Variants in COL23A1 observed in about 807,000 individuals in gnomAD.
COL23A1 encodes the protein collagen alpha-1(XXIII) chain.
COL23A1 carries 97 observed loss-of-function variants against 99.3 expected under a neutral mutation model. The ratio of observed to expected loss-of-function variants is 0.98; its 90% CI spans 0.83 to 1.16. The LOEUF (loss-of-function observed/expected upper bound fraction) is 1.16, where lower values mean the gene tolerates loss of function less well. Ranked by LOEUF, COL23A1 falls within the 50% of genes most tolerant of loss-of-function variation. The pLI, the probability that COL23A1 is intolerant of heterozygous loss-of-function variation, is 0.00. For synonymous variants in COL23A1, 320 were observed against 308.2 expected, an observed-to-expected ratio of 1.04 and a Z score of -0.40; for missense variants, 762 against 757.4, an observed-to-expected ratio of 1.01 and a Z score of -0.07.
chr5:178,549,324 A>G (rs911155603), intron 2 of COL23A1, among the ~76,000 whole-genome samples: 2 of 152,160 alleles, frequency 1.3e-5, no homozygotes, highest in Non-Finnish European at 2.9e-5. Context: ...AAAAAAAATG[A>G]AGGGATAAAA....
At chr5:178,523,201 T>TGTATATATATAGAG (rs1554189087) in intron 2 of COL23A1, among the ~76,000 whole-genome samples, 2 of 77,632 alleles carry the variant, frequency 2.6e-5, no homozygotes, top group Non-Finnish European at 5.0e-5. Flanking sequence ...TATATATATA[T>TGTATATATATAGAG]AGAGAGAGAG....
At chr5:178,435,467 C>T (rs1766505726) in intron 2 of COL23A1, among the ~76,000 whole-genome samples, 1 of 152,236 alleles carries the variant, frequency 6.6e-6, no homozygotes. Flanking sequence ...CACAGAAAGG[C>T]AGCCCAGCCC....
At chr5:178,445,732 T>C (rs1190175466) in intron 2 of COL23A1, among the ~76,000 whole-genome samples, 4 of 152,022 alleles carry the variant, frequency 2.6e-5, no homozygotes, top group Admixed American at 6.6e-5. Context: ...GAAGAAAATA[T>C]TTCTACTATT....
intron 2 of COL23A1, among the ~76,000 whole-genome samples, chr5:178,491,346 G>C (rs1209197476): frequency 6.6e-6 from 1 of 151,968 alleles, no homozygotes; most frequent in Non-Finnish European, 1.5e-5. Context: ...CCTCCATTAC[G>C]AACTGCCTGA....
intron 2 of COL23A1, among the ~76,000 whole-genome samples, chr5:178,453,478 G>T (rs755167256): frequency 6.6e-6 from 1 of 152,106 alleles, no homozygotes; most frequent in Non-Finnish European, 1.5e-5. Flanking sequence ...CTGGCCATGC[G>T]GGTTTGGAAT....
rs1397003681 is a variant in COL23A1, at chr5:178,403,134, A to T, written c.362-96215T>A. Among the ~76,000 whole-genome samples, 74 of 146,388 alleles carry T rather than the reference A, an allele frequency of 5.1e-4. 2 individuals are homozygous for T. The highest frequency in any genetic ancestry group is 1.9e-3 in the African/African-American group (73 of 38,052). ...AAAAAAAAAAAAAATAAATAAATAA[A>T]AAATAAATACCATTTACCGAAATCT... On this transcript the variant is annotated intron_variant, in intron 2 of 28. Transcript: ENST00000390654.
chr5:178,313,809 T>C lies in COL23A1; in HGVS notation c.362-6890A>G, dbSNP rs1758832380. Among the ~76,000 whole-genome samples, 1 of 152,138 alleles carries C rather than the reference T, an allele frequency of 6.6e-6. No individual in the cohort carries two copies. The highest frequency in any genetic ancestry group is 2.4e-5 in the African/African-American group (1 of 41,422). ...TCAGTCTGGAGCTCTATGAGATTGC[T>C]GGGGCTTCAGGGCCATCAGGGGGTG... is the stretch of plus-strand genomic sequence containing the variant. On this transcript the variant is annotated intron_variant, in intron 2 of 28. Transcript: ENST00000390654. This position sits in a 1 kb window ranked among gnomAD's most constrained non-coding sequence, Gnocchi z 4.2.
chr5:178,249,109 C>A lies in COL23A1; in HGVS notation c.1149+8G>T, dbSNP rs369728368. 11 of 1,613,838 alleles carry A rather than the reference C, an allele frequency of 6.8e-6. No individual in the cohort carries two copies. In the African/African-American group the frequency reaches 9.3e-5, roughly 14 times the overall value. ...AGGCGTAATGTGTGGCCCAACCCAGCCACATACCGGGAGGCCGGACAAGCC... is the reference window on the plus strand; with the variant it reads ...AGGCGTAATGTGTGGCCCAACCCAGACACATACCGGGAGGCCGGACAAGCC... On this transcript the variant is annotated splice_region_variant and intron_variant, in intron 19 of 28. Coordinates refer to ENST00000390654, the MANE Select transcript of COL23A1 (RefSeq NM_173465.4).
Position 178,306,933 on chromosome 5 carries a change from C to A in COL23A1, c.362-14G>T. The A allele has an allele frequency of 6.6e-7, 1 of 1,514,616 alleles. No individual in the cohort carries two copies. The highest frequency in any genetic ancestry group is 8.8e-7 in the Non-Finnish European group (1 of 1,130,868). 93.8% of individuals were successfully genotyped at this position (1,514,616 alleles called of 1,614,324 possible). ...GTCCAGGGGGCCCTAGACAGGAAAACAAGAATGCATTCATTGAGAAGGGAA... is the reference window on the plus strand; with the variant it reads ...GTCCAGGGGGCCCTAGACAGGAAAAAAAGAATGCATTCATTGAGAAGGGAA... On this transcript the variant is annotated splice_polypyrimidine_tract_variant and intron_variant, in intron 2 of 28. Coordinates refer to ENST00000390654, the MANE Select transcript of COL23A1 (RefSeq NM_173465.4). The surrounding 1 kb of genome is among the most constrained non-coding windows in gnomAD (Gnocchi z 4.1).
intron 2 of COL23A1, among the ~76,000 whole-genome samples, chr5:178,323,303 C>A (rs1561860921): frequency 6.6e-6 from 1 of 152,122 alleles, no homozygotes; most frequent in African/African-American, 2.4e-5. Context: ...CTTTCCAGAC[C>A]CATTTCATTG....
rs116580302 is a variant in COL23A1 at position 178,459,074 on chromosome 5, G to A, written c.361+101608C>T. 3.6e-3 allele frequency among the ~76,000 whole-genome samples: 555 copies of A among 152,226 alleles called. 2 individuals are homozygous for A. Among genetic ancestry groups the A allele is most frequent in the Non-Finnish European group, 5.9e-3 (403 of 68,006 alleles). ...AAACCTGTGGGCTAAATCAGACTTC[G>A]CAGACTCAAGAACCAATCACAATAT... is the stretch of plus-strand genomic sequence containing the variant. On this transcript the variant is annotated intron_variant, in intron 2 of 28. Coordinates refer to ENST00000390654, the MANE Select transcript of COL23A1 (RefSeq NM_173465.4).
At chr5:178,381,972 C>T (rs1763405022) in intron 2 of COL23A1, among the ~76,000 whole-genome samples, 1 of 152,230 alleles carries the variant, frequency 6.6e-6, no homozygotes, top group Non-Finnish European at 1.5e-5. Context: ...GCCTGTGCCC[C>T]CTCCGGTGGG....
chr5:178,284,504 C>T (rs1757056014), intron 5 of COL23A1, among the ~76,000 whole-genome samples: 1 of 152,172 alleles, frequency 6.6e-6, no homozygotes, highest in Non-Finnish European at 1.5e-5. Context: ...GGCAATTTGG[C>T]AATACACATC....
intron 2 of COL23A1, among the ~76,000 whole-genome samples, chr5:178,317,522 C>CA (rs1248433925): frequency 2.0e-5 from 3 of 152,198 alleles, no homozygotes; most frequent in Admixed American, 6.5e-5. Context: ...AGTCAAGATA[C>CA]ACTGATCAAA....
At chr5:178,562,924 T>G (rs1297386451) in intron 1 of COL23A1, among the ~76,000 whole-genome samples, 2 of 152,172 alleles carry the variant, frequency 1.3e-5, no homozygotes, top group Non-Finnish European at 2.9e-5. Flanking sequence ...TTTACAAACC[T>G]CTAGCTAGCT....
At chr5:178,496,080 C>T (rs935830156) in intron 2 of COL23A1, among the ~76,000 whole-genome samples, 3 of 152,118 alleles carry the variant, frequency 2.0e-5, no homozygotes, top group Non-Finnish European at 4.4e-5. Flanking sequence ...ACTGAATCAA[C>T]GCATGGGACA....
At chr5:178,258,913 CTTTT>C (rs35156759) in intron 12 of COL23A1, among the ~76,000 whole-genome samples, 23 of 117,590 alleles carry the variant, frequency 2.0e-4, no homozygotes, top group Non-Finnish European at 3.0e-4. Context: ...CCAGGGTGGT[CTTTT>C]TTTTTTTTTT....
At chr5:178,484,983 C>T (rs2127958381) in intron 2 of COL23A1, among the ~76,000 whole-genome samples, 1 of 152,272 alleles carries the variant, frequency 6.6e-6, no homozygotes, top group South Asian at 2.1e-4. Context: ...AAGTGGGCAT[C>T]CAATAAATGT....
chr5:178,277,462 T>C (rs1363401063), intron 5 of COL23A1, among the ~76,000 whole-genome samples: 1 of 152,260 alleles, frequency 6.6e-6, no homozygotes, highest in Non-Finnish European at 1.5e-5. Context: ...GGGCTTTTCT[T>C]GAAAAGCCGG....
Sources: allele counts gnomAD v4.1 joint callset (sites outside exome capture counted in the v4.1 genomes callset), GRCh38; gene constraint gnomAD v4.1.1; non-coding constraint Gnocchi (gnomAD v3.1); transcripts MANE v1.5; gene names NCBI Gene and HGNC (gene_info 2026-07-23, HGNC 2026-07-21).